ZNF385D: variants seen among roughly 807,000 people sequenced by gnomAD.
The protein encoded by ZNF385D is zinc finger protein 659.
A neutral mutation model predicts 35.8 loss-of-function variants in ZNF385D; 15 were observed. The ratio of observed to expected loss-of-function variants is 0.42; its 90% CI spans 0.28 to 0.64. The LOEUF (loss-of-function observed/expected upper bound fraction) is 0.64, where lower values mean the gene tolerates loss of function less well. Among genes scored for constraint, ZNF385D ranks in the 30% least tolerant of loss-of-function variants. The pLI, the probability that ZNF385D is intolerant of heterozygous loss-of-function variation, is 0.23. For missense variants in ZNF385D, 474 were observed against 494.6 expected (o/e 0.96, Z 0.39); for synonymous variants, 212 against 186.8 (o/e 1.13, Z -1.10).
rs958704845 is a variant in ZNF385D at position 22,308,433 on chromosome 3, C to CT, written c.106+64016dup. Among the ~76,000 whole-genome samples, 11 of 151,710 alleles carry CT rather than the reference C, an allele frequency of 7.3e-5. No individual in the cohort carries two copies. The South Asian group carries it at 8.4e-4, about 12-fold the overall frequency. ...ACATTATAAGAACAATAAAACCTGC[C>CT]TTTTTTTTCTTTTTTGAGAAAGTGA... On this transcript the variant is annotated intron_variant, in intron 2 of 5. Coordinates refer to the ZNF385D transcript ENST00000494108.
At position 22,292,613 on chromosome 3, in the gene ZNF385D, G is replaced by A. The variant is rs1005524627; in HGVS notation, c.106+79837C>T. The stretch of plus-strand genomic sequence containing the variant: ...GAATTTCATGTTGGTTCTTTCACAC[G>A]GCTAATTTAAAGATCTACAGACTTC... On this transcript the variant is annotated intron_variant, in intron 2 of 5. Transcript: ENST00000494108. Among the ~76,000 whole-genome samples, 9 of 151,954 alleles carry A rather than the reference G, an allele frequency of 5.9e-5. No individual in the cohort carries two copies. In the East Asian group the frequency reaches 1.4e-3, roughly 23 times the overall value.
chr3:21,547,647 C>T (rs1171520237), intron 3 of ZNF385D, among the ~76,000 whole-genome samples: 9 of 150,764 alleles, frequency 6.0e-5, no homozygotes, highest in Admixed American at 1.3e-4. Flanking sequence ...ACAAGAGTCT[C>T]GCTCTGTCTC....
intron 3 of ZNF385D, among the ~76,000 whole-genome samples, chr3:22,150,942 T>G (rs982461270): frequency 6.6e-6 from 1 of 152,080 alleles, no homozygotes; most frequent in African/African-American, 2.4e-5. Context: ...TCTGGGAGTG[T>G]TGAAAAGAAA....
chr3:22,001,123 G>C (rs183197747), intron 3 of ZNF385D, among the ~76,000 whole-genome samples: 5 of 152,138 alleles, frequency 3.3e-5, no homozygotes, highest in East Asian at 1.9e-4. Context: ...TTAACAAAAG[G>C]ATAGGAATAA....
Position 21,859,262 on chromosome 3 carries a change from C to A in ZNF385D, c.326-194234G>T, listed in dbSNP as rs530629283. Among the ~76,000 whole-genome samples the A allele has an allele frequency of 1.1e-4, 17 of 152,144 alleles. No homozygotes were observed. In the South Asian group the frequency reaches 3.3e-3, roughly 30 times the overall value. ...TCCCTCAGCAAAACTGCGCTTTATACCCTGCCCGCAGATTCACTTCTGCTT... is the reference window on the plus strand; with the variant it reads ...TCCCTCAGCAAAACTGCGCTTTATAACCTGCCCGCAGATTCACTTCTGCTT... On this transcript the variant is annotated intron_variant, in intron 3 of 5. Transcript: ENST00000494108.
At chr3:22,033,343 A>C (rs1335646972) in intron 3 of ZNF385D, among the ~76,000 whole-genome samples, 1 of 151,678 alleles carries the variant, frequency 6.6e-6, no homozygotes, top group African/African-American at 2.4e-5. Context: ...CAGAGGTTGC[A>C]GTGAGCCAAG....
intron 5 of ZNF385D, among the ~76,000 whole-genome samples, chr3:21,433,852 T>G (rs1701419310): frequency 6.6e-6 from 1 of 152,170 alleles, no homozygotes; most frequent in Non-Finnish European, 1.5e-5. Context: ...TCGCAGATTT[T>G]TATTACTTAT....
intron 3 of ZNF385D, among the ~76,000 whole-genome samples, chr3:21,866,161 A>G (rs756552317): frequency 7.2e-4 from 109 of 152,112 alleles, no homozygotes; most frequent in Non-Finnish European, 2.1e-4. Context: ...GGTATTAAAA[A>G]AAAACACTGG....
intron 2 of ZNF385D, among the ~76,000 whole-genome samples, chr3:22,259,147 C>G (rs1214591617): frequency 6.6e-6 from 1 of 151,780 alleles, no homozygotes; most frequent in Non-Finnish European, 1.5e-5. Flanking sequence ...TCATGTATCT[C>G]TCATTTGGAA....
At chr3:22,137,453 C>T (rs1241273094) in intron 3 of ZNF385D, among the ~76,000 whole-genome samples, 1 of 152,186 alleles carries the variant, frequency 6.6e-6, no homozygotes, top group Non-Finnish European at 1.5e-5. Flanking sequence ...TCCAACAGCA[C>T]ATCAAAAAGC....
chr3:21,510,479 T>C (rs951141226), intron 4 of ZNF385D, among the ~76,000 whole-genome samples: 5 of 152,188 alleles, frequency 3.3e-5, no homozygotes, highest in African/African-American at 4.8e-5. Flanking sequence ...TAGCATACTT[T>C]GCTGTGTACT....
rs1164319602 is a variant in ZNF385D at position 22,232,110 on chromosome 3, G to A, written c.107-63075C>T. 6.6e-5 allele frequency among the ~76,000 whole-genome samples: 10 copies of A among 152,148 alleles called. No individual in the cohort carries two copies. The East Asian group carries it at 1.9e-3, about 29-fold the overall frequency. ...ACACAGTCTTAGGTATTTCTTTATA[G>A]CAATGCAAGAATGGATACTCTGGCA... On this transcript the variant is annotated intron_variant, in intron 2 of 5. Coordinates refer to the ZNF385D transcript ENST00000494108.
At chr3:22,284,573 G>A (rs1575035500) in intron 2 of ZNF385D, among the ~76,000 whole-genome samples, 1 of 151,798 alleles carries the variant, frequency 6.6e-6, no homozygotes, top group South Asian at 2.1e-4. Context: ...ACAGAGAAGA[G>A]TAATGTTTTA....
intron 4 of ZNF385D, among the ~76,000 whole-genome samples, chr3:21,501,244 G>A (rs2125439476): frequency 6.6e-6 from 1 of 152,174 alleles, no homozygotes; most frequent in African/African-American, 2.4e-5. Context: ...TCTTCCTTCT[G>A]CCGTCTTCCT....
chr3:22,185,762 T>C (rs1299552854), intron 2 of ZNF385D, among the ~76,000 whole-genome samples: 3 of 152,104 alleles, frequency 2.0e-5, no homozygotes, highest in Non-Finnish European at 4.4e-5. Flanking sequence ...CACCATGCCC[T>C]GTCCACTTTC....
chr3:22,317,814 A>G (rs1048976144), intron 2 of ZNF385D, among the ~76,000 whole-genome samples: 1 of 152,194 alleles, frequency 6.6e-6, no homozygotes, highest in Non-Finnish European at 1.5e-5. Flanking sequence ...TAATCCCAGC[A>G]CTTTAGGAGG....
intron 2 of ZNF385D, among the ~76,000 whole-genome samples, chr3:22,171,953 T>C (rs1336514131): frequency 1.3e-5 from 2 of 151,686 alleles, no homozygotes; most frequent in East Asian, 3.9e-4. Flanking sequence ...CTCTCTGAAG[T>C]AGGAGGCAAT....
chr3:22,023,519 A>G (rs1431817191), intron 3 of ZNF385D, among the ~76,000 whole-genome samples: 5 of 152,184 alleles, frequency 3.3e-5, no homozygotes, highest in African/African-American at 1.2e-4. Context: ...CTGAGAATAA[A>G]ATGGAGTCAT....
intron 3 of ZNF385D, among the ~76,000 whole-genome samples, chr3:22,136,451 C>T (rs896634988): frequency 2.0e-5 from 3 of 150,524 alleles, no homozygotes; most frequent in Non-Finnish European, 4.4e-5. Flanking sequence ...CAGTTAAACA[C>T]ATTGCTAAAA....
Sources: gnomAD v4.1 joint callset for allele counts (sites outside exome capture counted in the v4.1 genomes callset) on GRCh38, gnomAD v4.1.1 for gene constraint, MANE v1.5 for transcripts, NCBI Gene and HGNC (gene_info 2026-07-23, HGNC 2026-07-21) for gene names.